The following ZFAND5 variants were observed in gnomAD, a reference collection of about 807,000 sequenced individuals.
The protein encoded by ZFAND5 is zinc finger AN1-type containing 5.
Under a neutral mutation model 23.6 loss-of-function variants are expected in ZFAND5, and 4 were observed. That is an observed-to-expected ratio of 0.17 (90% CI 0.08 to 0.39). The LOEUF (loss-of-function observed/expected upper bound fraction) is 0.39. Ranked by LOEUF, ZFAND5 falls within the 10% of genes least tolerant of loss-of-function variation. ZFAND5 has a pLI of 1.00. For missense variants in ZFAND5, 161 were observed against 253.7 expected (o/e 0.63, Z 2.48); for synonymous variants, 68 against 80.6 (o/e 0.84, Z 0.84).
Position 72,360,617 on chromosome 9 carries a change from A to T in ZFAND5, c.151+11T>A. ...TTCTTTCAAATGTGTTTTTCCTTGG[A>T]AATAACTTACCCATTGGGCTCATTC... On this transcript the variant is annotated intron_variant, in intron 3 of 6. Coordinates refer to ENST00000376962, the MANE Select transcript of ZFAND5 (RefSeq NM_001102420.3). The T allele has an allele frequency of 1.2e-6, 2 of 1,613,212 alleles. No individual in the cohort carries two copies. The highest frequency in any genetic ancestry group is 8.5e-7 in the Non-Finnish European group (1 of 1,179,732).
rs1841853540 is a variant in ZFAND5, at chr9:72,353,837, C to T, written c.*2116G>A. 1 of 152,046 alleles carries T rather than the reference C, an allele frequency of 6.6e-6. No individual in the cohort carries two copies. Among genetic ancestry groups the T allele is most frequent in the Non-Finnish European group, 1.5e-5 (1 of 68,008 alleles). 9.4% of individuals were successfully genotyped at this position (152,046 alleles called of 1,614,324 possible). A position where few individuals can be genotyped will look rare whatever the true frequency, so the allele number is the denominator to read the frequency against. On this transcript the variant is annotated 3_prime_UTR_variant, in exon 7 of 7. Coordinates refer to ENST00000376962, the MANE Select transcript of ZFAND5 (RefSeq NM_001102420.3). ...CTTTTCATATTCAGAGAAATACTACCCTATGTCAGTATAGGAACTTTGACA... is the reference window on the plus strand; with the variant it reads ...CTTTTCATATTCAGAGAAATACTACTCTATGTCAGTATAGGAACTTTGACA...
In ZFAND5 at chr9:72,356,007, T is replaced by C. The variant is rs1343982383; in HGVS notation, c.588A>G (p.Ala196=). The C allele has an allele frequency of 4.3e-6, 7 of 1,613,336 alleles. No individual in the cohort carries two copies. In the South Asian group the frequency reaches 4.4e-5, roughly 10 times the overall value. Residue 196 remains alanine, a synonymous_variant, in exon 7 of 7, where the codon GCA becomes GCG. Coordinates refer to ENST00000376962, the MANE Select transcript of ZFAND5 (RefSeq NM_001102420.3). ...CPYDYKAEAA[A]KIRKENPVVV... ...CAACTGGATTCTCTTTTCTGATTTT[T>C]GCTGCAGCTTCTGCTTTGTAATCAT... is the stretch of plus-strand genomic sequence containing the variant.
At position 72,357,076 on chromosome 9, in the gene ZFAND5, A is replaced by C; in HGVS notation, c.368-20T>G. 1 of 1,605,634 alleles carries C rather than the reference A, an allele frequency of 6.2e-7. No homozygotes were observed. Among genetic ancestry groups the C allele is most frequent in the Non-Finnish European group, 8.5e-7 (1 of 1,175,936 alleles). On this transcript the variant is annotated intron_variant, in intron 5 of 6. Transcript: ENST00000376962. ...TGACAACTGAAAAGGACAAAAACAC[A>C]AATTTGTCAAGCATTCACTGGCTAA...
Position 72,356,842 on chromosome 9 carries a change from T to G in ZFAND5, c.493+89A>C. 3 of 1,417,338 alleles carry G rather than the reference T, an allele frequency of 2.1e-6. No individual in the cohort carries two copies. The South Asian group carries it at 4.5e-5, about 21-fold the overall frequency. The allele number at this position is 1,417,338 out of a possible 1,614,324, so 87.8% of individuals were successfully genotyped here. A position where few individuals can be genotyped will look rare whatever the true frequency, so the allele number is the denominator to read the frequency against. On this transcript the variant is annotated intron_variant, in intron 6 of 6. Coordinates refer to ENST00000376962, the MANE Select transcript of ZFAND5 (RefSeq NM_001102420.3). ...GTCAGGCTTTTTTTTTTTTTTTATG[T>G]GTAAGACCAACTAGTCTCTTAGGGA...
rs1248130834 is a variant in ZFAND5, at chr9:72,352,307, TCAAA to T, written c.*3642_*3645del. 4.6e-5 allele frequency: 7 copies of T among 152,034 alleles called. No individual in the cohort carries two copies. Among genetic ancestry groups the T allele is most frequent in the South Asian group, 2.1e-4 (1 of 4,824 alleles). The allele number at this position is 152,034 out of a possible 1,614,324, so 9.4% of individuals were successfully genotyped here. On this transcript the variant is annotated 3_prime_UTR_variant, in exon 7 of 7. Coordinates refer to ENST00000376962, the MANE Select transcript of ZFAND5 (RefSeq NM_001102420.3). ...CAGCCTGGGCGACGGAGCCTCTGTC[TCAAA>T]CAAACAAAACAAAACAAAAACAGAC...
At chr9:72,361,508 C>T (rs1479617405) in intron 2 of ZFAND5, among the ~76,000 whole-genome samples, 2 of 152,328 alleles carry the variant, frequency 1.3e-5, no homozygotes, top group East Asian at 3.9e-4. Context: ...AACCAGATTT[C>T]TCAGCCAAAG....
At position 72,353,310 on chromosome 9, in the gene ZFAND5, A is replaced by T. The variant is rs960016961; in HGVS notation, c.*2643T>A. On this transcript the variant is annotated 3_prime_UTR_variant, in exon 7 of 7. Coordinates refer to ENST00000376962, the MANE Select transcript of ZFAND5 (RefSeq NM_001102420.3). ...GATTCCCTTTCTCCCCAGTCAATGG[A>T]CAACCCTGACAAATCTTTGTTCTGA... The T allele has an allele frequency of 6.6e-6, 1 of 152,176 alleles. No homozygotes were observed. The allele number at this position is 152,176 out of a possible 1,614,324, so 9.4% of individuals were successfully genotyped here. A position where few individuals can be genotyped will look rare whatever the true frequency, so the allele number is the denominator to read the frequency against.
At chr9:72,358,113 C>T (rs988632844) in intron 5 of ZFAND5, among the ~76,000 whole-genome samples, 1 of 152,090 alleles carries the variant, frequency 6.6e-6, no homozygotes, top group Non-Finnish European at 1.5e-5. Flanking sequence ...CTACAACAAG[C>T]TGATTGATTT....
intron 1 of ZFAND5, chr9:72,364,277 C>A (rs1842194363): frequency 3.7e-6 from 2 of 547,696 alleles, no homozygotes; most frequent in Admixed American, 5.8e-5. Flanking sequence ...CGACCCCCGA[C>A]CCCCGACCCC....
Position 72,355,797 on chromosome 9 carries a change from C to A in ZFAND5, c.*156G>T. The A allele has an allele frequency of 1.4e-6, 1 of 711,420 alleles. No individual in the cohort carries two copies. Among genetic ancestry groups the A allele is most frequent in the Non-Finnish European group, 2.2e-6 (1 of 459,236 alleles). The allele number at this position is 711,420 out of a possible 1,614,324, so 44.1% of individuals were successfully genotyped here. ...TCTATCCAATTCTGCCTGTAACAAA[C>A]ACCCAAACATCCTAAAATATCAATT... On this transcript the variant is annotated 3_prime_UTR_variant, in exon 7 of 7. Coordinates refer to ENST00000376962, the MANE Select transcript of ZFAND5 (RefSeq NM_001102420.3).
chr9:72,353,883 T>G lies in ZFAND5; in HGVS notation c.*2070A>C, dbSNP rs1272800745. On this transcript the variant is annotated 3_prime_UTR_variant, in exon 7 of 7. Coordinates refer to ENST00000376962, the MANE Select transcript of ZFAND5 (RefSeq NM_001102420.3). ...TGACATACATATGTACCTCCCTAAC[T>G]TGAAGCAAAAGTAGCAGCATGCAAA... is the stretch of plus-strand genomic sequence containing the variant. 1 of 152,160 alleles carries G rather than the reference T, an allele frequency of 6.6e-6. No homozygotes were observed. Among genetic ancestry groups the G allele is most frequent in the Non-Finnish European group, 1.5e-5 (1 of 68,024 alleles). 9.4% of individuals were successfully genotyped at this position (152,160 alleles called of 1,614,324 possible). A position where few individuals can be genotyped will look rare whatever the true frequency, so the allele number is the denominator to read the frequency against.
intron 2 of ZFAND5, among the ~76,000 whole-genome samples, chr9:72,362,354 A>G (rs140240116): frequency 1.3e-3 from 191 of 152,348 alleles, no homozygotes; most frequent in Non-Finnish European, 1.5e-3. Flanking sequence ...TTGCATGCCC[A>G]CCACGCACAA....
intron 2 of ZFAND5, 40 bp downstream of exon 2, chr9:72,363,430 G>A (rs1453652261): frequency 6.4e-6 from 1 of 155,588 alleles, no homozygotes; most frequent in East Asian, 1.9e-4. Context: ...GTTCTTTCAG[G>A]TGCACATGAT....
At chr9:72,364,422 C>A in intron 1 of ZFAND5, 1 of 1,256,310 alleles carries the variant, frequency 8.0e-7, no homozygotes, top group Non-Finnish European at 1.0e-6. Flanking sequence ...GCCTAGAGGC[C>A]GGCCCCGCAG....
chr9:72,363,174 T>C (rs1486769200), intron 2 of ZFAND5, among the ~76,000 whole-genome samples: 1 of 152,160 alleles, frequency 6.6e-6, no homozygotes, highest in Non-Finnish European at 1.5e-5. Flanking sequence ...AAGTGGGGGA[T>C]GTGTGTTCCC....
chr9:72,360,506 G>A, intron 3 of ZFAND5, 122 bp downstream of exon 3: 1 of 1,350,536 alleles, frequency 7.4e-7, no homozygotes, highest in Non-Finnish European at 1.0e-6. Flanking sequence ...GCTGTTGCTT[G>A]AATTTCAAGC....
Position 72,354,668 on chromosome 9 carries a change from G to C in ZFAND5, c.*1285C>G, listed in dbSNP as rs1024302334. 6.6e-6 allele frequency: 1 copy of C among 152,584 alleles called. No homozygotes were observed. Among genetic ancestry groups the C allele is most frequent in the African/African-American group, 2.4e-5 (1 of 41,442 alleles). The allele number at this position is 152,584 out of a possible 1,614,324, so 9.5% of individuals were successfully genotyped here. ...TGAACATTGCAATAAATCAGAAGTA[G>C]TGCCTCGTGTACATACTTAACTATT... On this transcript the variant is annotated 3_prime_UTR_variant, in exon 7 of 7. Coordinates refer to ENST00000376962, the MANE Select transcript of ZFAND5 (RefSeq NM_001102420.3).
chr9:72,360,897 T>G, intron 2 of ZFAND5, 110 bp from the exon 3 acceptor site: 1 of 979,594 alleles, frequency 1.0e-6, no homozygotes, highest in Non-Finnish European at 1.4e-6. Context: ...AAAGCCCAAA[T>G]TCCGTTAATC....
At chr9:72,359,656 A>G (rs757469991) in intron 4 of ZFAND5, 135 bp from the exon 5 acceptor site, 4 of 845,870 alleles carry the variant, frequency 4.7e-6, no homozygotes, top group African/African-American at 1.8e-5. Context: ...CTAAAGTTTA[A>G]AAAAAAATTG....
Sources: allele counts gnomAD v4.1 joint callset (sites outside exome capture counted in the v4.1 genomes callset), GRCh38; gene constraint gnomAD v4.1.1; transcripts MANE v1.5; gene names NCBI Gene and HGNC (gene_info 2026-07-23, HGNC 2026-07-21).